The following TAF1D variants were observed in gnomAD, a reference collection of about 807,000 sequenced individuals.
TAF1D encodes the protein TATA box-binding protein-associated factor RNA polymerase I subunit D.
Under a neutral mutation model 26.2 loss-of-function variants are expected in TAF1D, and 23 were observed. That is an observed-to-expected ratio of 0.88 (90% CI 0.63 to 1.25). The LOEUF (loss-of-function observed/expected upper bound fraction) is 1.25. TAF1D is among the 50% of genes most tolerant of loss of function. The probability of loss-of-function intolerance (pLI) is 0.00; values close to 1 mark genes in which losing one functional copy is unlikely to be tolerated. For missense variants in TAF1D, 299 were observed against 322.0 expected (o/e 0.93, Z 0.55); for synonymous variants, 100 against 105.6 (o/e 0.95, Z 0.33).
In TAF1D at chr11:93,739,311, C is replaced by T. The variant is rs1270956146; in HGVS notation, c.-7G>A. On this transcript the variant is annotated 5_prime_UTR_variant, in exon 2 of 6. Coordinates refer to ENST00000448108, the MANE Select transcript of TAF1D (RefSeq NM_024116.4). Reference sequence around the variant, plus strand: ...CTATTCCTGATTTATCCATCAATTGCTCTTTGTTTTAAACAGTTTTCTGAA... The same window carrying T: ...CTATTCCTGATTTATCCATCAATTGTTCTTTGTTTTAAACAGTTTTCTGAA... 1 of 1,602,596 alleles carries T rather than the reference C, an allele frequency of 6.2e-7. No homozygotes were observed. The highest frequency in any genetic ancestry group is 1.3e-5 in the African/African-American group (1 of 74,330).
chr11:93,741,422 A>C lies in TAF1D; in HGVS notation c.-128T>G, dbSNP rs1034498365. On this transcript the variant is annotated 5_prime_UTR_variant, in exon 1 of 6. Transcript: ENST00000448108. ...GGCCTGGTGTCCTAGAGCTCTGTAC[A>C]CACCACCCTCCCGACCTCAGCCCTC... The C allele has an allele frequency of 4.4e-6, 2 of 455,750 alleles. No individual in the cohort carries two copies. Among genetic ancestry groups the C allele is most frequent in the Admixed American group, 2.4e-5 (1 of 42,536 alleles). The allele number at this position is 455,750 out of a possible 1,614,324, so 28.2% of individuals were successfully genotyped here.
chr11:93,730,766 G>C (rs1473343894), downstream of TAF1D: 1 of 444,158 alleles, frequency 2.3e-6, no homozygotes, highest in East Asian at 5.7e-5. Context: ...TGAGTGTACA[G>C]TGAGTGAACA....
At chr11:93,732,937 T>C (rs1939594608), downstream of TAF1D, 1 of 269,724 alleles carries the variant, frequency 3.7e-6, no homozygotes, top group Non-Finnish European at 7.3e-6. Context: ...TGCAGTCTCT[T>C]CATTTTCCTT....
rs768692948 is a variant in TAF1D at position 93,738,365 on chromosome 11, G to C, written c.203C>G (p.Ser68Ter). ...AGTCAATGGTATTGGTTCAAAAGAT[G>C]AGTCACTTGATGAATCACTTGCGTG... Reference protein sequence around the residue: ...SVHASDSSSDSSFEPIPLTIK... With the variant: ...SVHASDSSSD The change falls in exon 3 of 6, where the codon TCA (serine) becomes TGA (stop). Residue 68 changes from serine to a stop codon, truncating the protein, a stop_gained. Transcript: ENST00000448108. LOFTEE classifies it high-confidence loss of function. 1 of 1,613,790 alleles carries C rather than the reference G, an allele frequency of 6.2e-7. No homozygotes were observed. Among genetic ancestry groups the C allele is most frequent in the South Asian group, 1.1e-5 (1 of 90,992 alleles).
downstream of TAF1D, chr11:93,730,966 ATTACAG>A (rs1938555773): frequency 6.0e-6 from 3 of 503,416 alleles, no homozygotes; most frequent in South Asian, 4.4e-5. Context: ...TTGCATTTCT[ATTACAG>A]TTAATCAACT....
chr11:93,737,571 G>A lies in TAF1D; in HGVS notation c.460-332C>T, dbSNP rs576424500. Reference sequence around the variant, plus strand: ...AGAGATTAACTGAAGAGATTAACATGTATTAATCCTCCCAAATAAAATTTC... The same window carrying A: ...AGAGATTAACTGAAGAGATTAACATATATTAATCCTCCCAAATAAAATTTC... On this transcript the variant is annotated intron_variant, in intron 3 of 5. Coordinates refer to ENST00000448108, the MANE Select transcript of TAF1D (RefSeq NM_024116.4). Among the ~76,000 whole-genome samples the A allele has an allele frequency of 1.3e-5, 2 of 152,242 alleles. 1 individual carries two copies. Among genetic ancestry groups the A allele is most frequent in the South Asian group, 4.1e-4 (2 of 4,834 alleles).
downstream of TAF1D, chr11:93,735,073 T>C (rs1940428151): frequency 7.7e-7 from 1 of 1,305,538 alleles, no homozygotes; most frequent in East Asian, 4.7e-5. Flanking sequence ...CCTTTATGGC[T>C]ATCAATACTC....
chr11:93,736,184 C>G lies in TAF1D; in HGVS notation c.814G>C (p.Gly272Arg). ...TGTCACATTTTCAGGCCTCTCTGTC[C>G]AGTATTTTTGGCTTTTGTAGCTCTC... ...KKRATKAKNT[G>R]QRGLKM Residue 272 changes from glycine (G) to arginine (R), a missense_variant, in exon 6 of 6, where the codon GGA becomes CGA. Coordinates refer to ENST00000448108, the MANE Select transcript of TAF1D (RefSeq NM_024116.4). 1 of 1,613,444 alleles carries G rather than the reference C, an allele frequency of 6.2e-7. No individual in the cohort carries two copies. Among genetic ancestry groups the G allele is most frequent in the South Asian group, 1.1e-5 (1 of 91,066 alleles).
At chr11:93,738,712 TTTG>T (rs1314492130) in intron 2 of TAF1D, among the ~76,000 whole-genome samples, 1 of 152,108 alleles carries the variant, frequency 6.6e-6, no homozygotes, top group Non-Finnish European at 1.5e-5. Context: ...ATTAAAGAGT[TTTG>T]TAGACATCGT....
downstream of TAF1D, chr11:93,735,463 G>A (rs537247699): frequency 2.2e-5 from 11 of 494,810 alleles, no homozygotes; most frequent in East Asian, 7.1e-4. Flanking sequence ...CAGGCGGATC[G>A]CCTGAGGTCA....
chr11:93,733,743 A>G (rs79759099), downstream of TAF1D: 1,231 of 328,588 alleles, frequency 3.7e-3, 19 homozygotes, highest in East Asian at 0.038. Flanking sequence ...CTGTAGCCTC[A>G]AACCGCTGGG....
chr11:93,737,967 T>A lies in TAF1D; in HGVS notation c.459+142A>T, dbSNP rs189198290. 181 of 851,476 alleles carry A rather than the reference T, an allele frequency of 2.1e-4. No homozygotes were observed. In the African/African-American group the frequency reaches 2.9e-3, roughly 13 times the overall value. 52.7% of individuals were successfully genotyped at this position (851,476 alleles called of 1,614,324 possible). A position where few individuals can be genotyped will look rare whatever the true frequency, so the allele number is the denominator to read the frequency against. ...GATTCAGTTGAAGGATAGGGTGGAC[T>A]TTAGGGGTAAGTCAGTATAGAAGAG... On this transcript the variant is annotated intron_variant, in intron 3 of 5. Transcript: ENST00000448108.
intron 4 of TAF1D, 86 bp downstream of exon 4, chr11:93,736,978 C>A (rs1375831307): frequency 2.4e-6 from 3 of 1,262,802 alleles, no homozygotes; most frequent in Non-Finnish European, 3.2e-6. Context: ...TTAAGTATAA[C>A]TATATTAAAG....
At chr11:93,736,459 A>G in intron 5 of TAF1D, 155 bp from the exon 6 acceptor site, 1 of 1,423,352 alleles carries the variant, frequency 7.0e-7, no homozygotes, top group East Asian at 2.6e-5. Context: ...TTCATTTGAC[A>G]TCCTAACTAG....
downstream of TAF1D, chr11:93,733,725 A>C (rs780506580): frequency 5.1e-6 from 2 of 390,320 alleles, no homozygotes; most frequent in East Asian, 6.4e-5. Context: ...TGGCAGGATC[A>C]CATCTCACTG....
chr11:93,736,271 C>G lies in TAF1D; in HGVS notation c.727G>C (p.Val243Leu), dbSNP rs745569617. Residue 243 changes from valine (V) to leucine (L), a missense_variant, in exon 6 of 6, where the codon GTA becomes CTA. By Grantham distance (32) the Val-to-Leu change is conservative. Coordinates refer to ENST00000448108, the MANE Select transcript of TAF1D (RefSeq NM_024116.4). ...TCTTCTAAGTATACACTCAGTCTTA[C>G]AGGGAATTCAGAACTTACTATGAAA... is the stretch of plus-strand genomic sequence containing the variant. ...DSFIVSSEFP[V>L]RLSVYLEEED... The G allele has an allele frequency of 1.2e-6, 2 of 1,611,510 alleles. No homozygotes were observed. The highest frequency in any genetic ancestry group is 2.2e-5 in the South Asian group (2 of 90,416).
downstream of TAF1D, chr11:93,735,152 G>A (rs757591995): frequency 1.5e-6 from 2 of 1,351,158 alleles, no homozygotes; most frequent in Non-Finnish European, 2.0e-6. Context: ...ACTGAACAAT[G>A]AGTTCTGGGT....
In TAF1D at chr11:93,736,130, A is replaced by G; in HGVS notation, c.*31T>C. On this transcript the variant is annotated 3_prime_UTR_variant, in exon 6 of 6. Transcript: ENST00000448108. ...TCATTTCTATGAAGTCGTTTTTTCT[A>G]TATGCTTCACCTTTGACATTCATGA... 6.2e-7 allele frequency: 1 copy of G among 1,609,770 alleles called. No individual in the cohort carries two copies. Among genetic ancestry groups the G allele is most frequent in the Non-Finnish European group, 8.5e-7 (1 of 1,178,652 alleles).
intron 2 of TAF1D, chr11:93,738,907 A>T (rs1941274571): frequency 2.9e-6 from 1 of 345,548 alleles, no homozygotes; most frequent in Non-Finnish European, 5.2e-6. Context: ...TATGAGCTCC[A>T]AAAGGCTGTA....
Sources: allele counts gnomAD v4.1 joint callset (sites outside exome capture counted in the v4.1 genomes callset), GRCh38; gene constraint gnomAD v4.1.1; transcripts MANE v1.5; gene names NCBI Gene and HGNC (gene_info 2026-07-23, HGNC 2026-07-21).